MCTP1: variants seen among roughly 807,000 people sequenced by gnomAD.
MCTP1 encodes the protein multiple C2 and transmembrane domain-containing protein 1.
In MCTP1, 69 loss-of-function variants were observed where a neutral mutation model predicts 120.6. That is an observed-to-expected ratio of 0.57 (90% CI 0.47 to 0.70). The LOEUF (loss-of-function observed/expected upper bound fraction) is 0.70, where lower values mean the gene tolerates loss of function less well. Among genes scored for constraint, MCTP1 ranks in the 30% least tolerant of loss-of-function variants. MCTP1 has a pLI of 0.00. For missense variants in MCTP1, 1,203 were observed against 1,248.8 expected, an observed-to-expected ratio of 0.96 and a Z score of 0.55; for synonymous variants, 529 against 493.1, an observed-to-expected ratio of 1.07 and a Z score of -0.96.
intron 1 of MCTP1, chr5:95,154,231 T>G (rs964240306): frequency 6.6e-6 from 1 of 152,180 alleles, no homozygotes; most frequent in African/African-American, 2.4e-5. Flanking sequence ...AAGGGTGAAC[T>G]AGGCACATAC....
chr5:94,816,192 G>T lies in MCTP1; in HGVS notation c.2437-17060C>A, dbSNP rs368936276. On this transcript the variant is annotated intron_variant, in intron 17 of 22. Transcript: ENST00000515393. ...GTATGTATAAATATGTTTGCCAAGT[G>T]TATACATGGATATAACATCTTTGTG... 6.6e-5 allele frequency among the ~76,000 whole-genome samples: 10 copies of T among 152,210 alleles called. No homozygotes were observed. The East Asian group carries it at 1.5e-3, about 23-fold the overall frequency.
intron 1 of MCTP1, among the ~76,000 whole-genome samples, chr5:95,072,847 G>A (rs1006853199): frequency 1.4e-5 from 2 of 143,292 alleles, no homozygotes; most frequent in South Asian, 2.2e-4. Context: ...CCGGGTTCAC[G>A]CCTTTCTCCT....
intron 1 of MCTP1, among the ~76,000 whole-genome samples, chr5:95,188,872 A>G (rs1188026031): frequency 6.6e-6 from 1 of 152,162 alleles, no homozygotes; most frequent in Non-Finnish European, 1.5e-5. Context: ...GATGATAACA[A>G]TGTCAATTCC....
At chr5:94,712,974 T>C (rs1485626779) in intron 20 of MCTP1, among the ~76,000 whole-genome samples, 1 of 152,036 alleles carries the variant, frequency 6.6e-6, no homozygotes. Context: ...CCAGTGTAGC[T>C]GTTAGAAAAA....
intron 17 of MCTP1, among the ~76,000 whole-genome samples, chr5:94,828,139 T>A (rs1469102927): frequency 1.3e-5 from 2 of 152,146 alleles, no homozygotes; most frequent in Non-Finnish European, 2.9e-5. Flanking sequence ...CGGATGGAGT[T>A]TTTGCGTGGT....
chr5:95,113,723 A>G (rs1009661681), intron 1 of MCTP1, among the ~76,000 whole-genome samples: 2 of 152,182 alleles, frequency 1.3e-5, no homozygotes, highest in African/African-American at 4.8e-5. Flanking sequence ...CAAGAACTAC[A>G]ACTCCTAATT....
chr5:94,871,279 CAACACAG>C lies in MCTP1; in HGVS notation c.2139+29_2139+35del, dbSNP rs772912430. 5 of 1,220,652 alleles carry C rather than the reference CAACACAG, an allele frequency of 4.1e-6. No individual in the cohort carries two copies. In the South Asian group the frequency reaches 6.3e-5, roughly 15 times the overall value. 75.6% of individuals were successfully genotyped at this position (1,220,652 alleles called of 1,614,324 possible). A position where few individuals can be genotyped will look rare whatever the true frequency, so the allele number is the denominator to read the frequency against. ...TTTTTTTTTTTTCCGTGAGCAAAAG[CAACACAG>C]AACAGTGTGTCAGGTGAATAAAACT... On this transcript the variant is annotated intron_variant, in intron 14 of 22. Transcript: ENST00000515393.
At chr5:94,784,314 A>G (rs1031139078) in intron 18 of MCTP1, among the ~76,000 whole-genome samples, 2 of 152,066 alleles carry the variant, frequency 1.3e-5, no homozygotes, top group Non-Finnish European at 1.5e-5. Flanking sequence ...TTATGTGCCA[A>G]TTGGTTTATT....
chr5:95,166,425 T>C (rs1429955906), intron 1 of MCTP1, among the ~76,000 whole-genome samples: 3 of 152,204 alleles, frequency 2.0e-5, no homozygotes, highest in African/African-American at 7.2e-5. Context: ...TAGAAGATTC[T>C]TGCAACATCT....
At chr5:95,063,677 C>T (rs944843880) in intron 1 of MCTP1, among the ~76,000 whole-genome samples, 1 of 152,158 alleles carries the variant, frequency 6.6e-6, no homozygotes, top group African/African-American at 2.4e-5. Flanking sequence ...CTCACTGCAG[C>T]TTTAACCTCC....
intron 19 of MCTP1, among the ~76,000 whole-genome samples, chr5:94,776,926 A>C (rs1775478548): frequency 6.6e-6 from 1 of 152,204 alleles, no homozygotes; most frequent in Non-Finnish European, 1.5e-5. Flanking sequence ...TTATAGGAAA[A>C]ACTATATTTC....
At chr5:95,129,645 A>C (rs572312731) in intron 1 of MCTP1, among the ~76,000 whole-genome samples, 3 of 151,850 alleles carry the variant, frequency 2.0e-5, no homozygotes, top group East Asian at 3.9e-4. Context: ...GAGAACAAAA[A>C]GGCAGAGGAT....
At chr5:95,196,778 T>A (rs1750447493) in intron 1 of MCTP1, among the ~76,000 whole-genome samples, 1 of 152,146 alleles carries the variant, frequency 6.6e-6, no homozygotes, top group Admixed American at 6.5e-5. Context: ...GCTGATGGAA[T>A]CCATTCTAAA....
chr5:94,829,288 T>C (rs1787979819), intron 17 of MCTP1, among the ~76,000 whole-genome samples: 1 of 152,132 alleles, frequency 6.6e-6, no homozygotes, highest in South Asian at 2.1e-4. Context: ...TCGCCCTCTG[T>C]GGGCTTCACC....
intron 1 of MCTP1, among the ~76,000 whole-genome samples, chr5:95,112,167 G>C (rs1053968772): frequency 2.6e-5 from 4 of 152,168 alleles, no homozygotes; most frequent in Admixed American, 1.3e-4. Context: ...TCTGTACCTT[G>C]TATAACAAAG....
chr5:94,988,869 A>G (rs1282116224), intron 2 of MCTP1, among the ~76,000 whole-genome samples: 8 of 152,076 alleles, frequency 5.3e-5, no homozygotes, highest in Non-Finnish European at 1.0e-4. Flanking sequence ...GAGAGAGAGA[A>G]TGAGAGTCCA....
intron 1 of MCTP1, among the ~76,000 whole-genome samples, chr5:95,188,697 A>C (rs1043520574): frequency 6.6e-6 from 1 of 152,176 alleles, no homozygotes; most frequent in African/African-American, 2.4e-5. Context: ...GAGGAGATGT[A>C]TGTGGTTATT....
chr5:95,085,435 T>G (rs1755356753), intron 1 of MCTP1, among the ~76,000 whole-genome samples: 1 of 151,168 alleles, frequency 6.6e-6, no homozygotes. Flanking sequence ...ATTATCTTCT[T>G]AAGATTTACA....
intron 1 of MCTP1, among the ~76,000 whole-genome samples, chr5:95,077,494 A>G (rs1167893896): frequency 6.7e-6 from 1 of 150,106 alleles, no homozygotes; most frequent in Non-Finnish European, 1.5e-5. Context: ...TTTTTTTGAG[A>G]CGGAGTCCCA....
Sources: gnomAD v4.1 joint callset for allele counts (sites outside exome capture counted in the v4.1 genomes callset) on GRCh38, gnomAD v4.1.1 for gene constraint, MANE v1.5 for transcripts, NCBI Gene and HGNC (gene_info 2026-07-23, HGNC 2026-07-21) for gene names.